IL1RAPL2: variants seen among roughly 807,000 people sequenced by gnomAD.
IL1RAPL2 encodes the protein interleukin 1 receptor accessory protein like 2.
A neutral mutation model predicts 44.1 loss-of-function variants in IL1RAPL2; 3 were observed. The ratio of observed to expected loss-of-function variants is 0.07; its 90% confidence interval spans 0.03 to 0.18. The LOEUF (loss-of-function observed/expected upper bound fraction) is 0.18. Ranked by LOEUF, IL1RAPL2 falls within the 10% of genes least tolerant of loss-of-function variation. The pLI is 1.00. For missense variants in IL1RAPL2, 391 were observed against 496.4 expected, an observed-to-expected ratio of 0.79 and a Z score of 2.02; for synonymous variants, 181 against 178.8, an observed-to-expected ratio of 1.01 and a Z score of -0.10.
intron 5 of IL1RAPL2, among the ~76,000 whole-genome samples, chrX:105,382,885 C>T (rs1316536015): frequency 9.8e-5 from 10 of 101,604 alleles, no homozygotes; most frequent in East Asian, 9.6e-4. Flanking sequence ...AACCAAACAC[C>T]GCATGTTCTC....
intron 2 of IL1RAPL2, among the ~76,000 whole-genome samples, chrX:104,901,190 CTTTTGCTTCTTT>C (rs1923802181): frequency 1.7e-5 from 1 of 57,892 alleles, no homozygotes; most frequent in African/African-American, 6.5e-5. Context: ...TGGTTGCTTT[CTTTTGCTTCTTT>C]TTTTTTTTTT....
intron 2 of IL1RAPL2, among the ~76,000 whole-genome samples, chrX:104,907,677 A>G (rs1924063562): frequency 9.0e-6 from 1 of 110,668 alleles, no homozygotes; most frequent in Non-Finnish European, 1.9e-5. Context: ...ATAGTTTGTT[A>G]TAATTTCTGT....
At chrX:104,758,777 C>T (rs1468169202) in intron 2 of IL1RAPL2, among the ~76,000 whole-genome samples, 2 of 111,717 alleles carry the variant, frequency 1.8e-5, no homozygotes, top group Non-Finnish European at 3.8e-5. Context: ...GTGTAATCCT[C>T]TCCCTGATGA....
chrX:104,847,407 A>C (rs1213541303), intron 2 of IL1RAPL2, among the ~76,000 whole-genome samples: 2 of 111,806 alleles, frequency 1.8e-5, no homozygotes, highest in African/African-American at 3.3e-5. Context: ...AGCTTTCTAC[A>C]TATGGCTAGC....
At chrX:105,297,521 G>A (rs1402403414) in intron 5 of IL1RAPL2, among the ~76,000 whole-genome samples, 2 of 110,612 alleles carry the variant, frequency 1.8e-5, no homozygotes, top group Non-Finnish European at 3.8e-5. Context: ...GGAGGCGAAG[G>A]GGAGGCAGGC....
intron 2 of IL1RAPL2, among the ~76,000 whole-genome samples, chrX:104,900,863 T>A (rs766646507): frequency 7.2e-5 from 8 of 111,730 alleles, no homozygotes; most frequent in Non-Finnish European, 1.1e-4. Context: ...ATGGCAAAGG[T>A]CATGAATTTA....
chrX:105,487,952 T>G (rs996380323), intron 6 of IL1RAPL2, among the ~76,000 whole-genome samples: 3 of 112,416 alleles, frequency 2.7e-5, no homozygotes, highest in African/African-American at 9.7e-5. Flanking sequence ...TTCTGAAGTT[T>G]ATCAAACACA....
intron 5 of IL1RAPL2, among the ~76,000 whole-genome samples, chrX:105,445,717 G>C (rs1484521541): frequency 9.0e-6 from 1 of 110,905 alleles, no homozygotes; most frequent in Non-Finnish European, 1.9e-5. Flanking sequence ...CTTGTTTATT[G>C]ACTTCTAGTT....
At chrX:104,943,358 C>G (rs1261290030) in intron 2 of IL1RAPL2, among the ~76,000 whole-genome samples, 4 of 111,718 alleles carry the variant, frequency 3.6e-5, no homozygotes, top group African/African-American at 6.5e-5. Flanking sequence ...TTGACTACAC[C>G]TTGTTTCCAT....
At chrX:105,058,018 G>C (rs1263208961) in intron 2 of IL1RAPL2, among the ~76,000 whole-genome samples, 2 of 105,053 alleles carry the variant, frequency 1.9e-5, no homozygotes, top group African/African-American at 7.0e-5. Context: ...GTGCGATCTC[G>C]GCTCACTGCA....
intron 6 of IL1RAPL2, among the ~76,000 whole-genome samples, chrX:105,674,999 G>A (rs1602515191): frequency 9.0e-6 from 1 of 110,541 alleles, no homozygotes; most frequent in African/African-American, 3.3e-5. Context: ...TGTGACTTCT[G>A]CACATTGACT....
At chrX:105,128,208 C>G (rs748261336) in intron 2 of IL1RAPL2, among the ~76,000 whole-genome samples, 1 of 110,244 alleles carries the variant, frequency 9.1e-6, no homozygotes, top group East Asian at 2.9e-4. Flanking sequence ...GAAATATCTC[C>G]TCTTTGCCTT....
chrX:104,679,077 C>T (rs1198192995), intron 2 of IL1RAPL2, among the ~76,000 whole-genome samples: 1 of 111,883 alleles, frequency 8.9e-6, no homozygotes, highest in Non-Finnish European at 1.9e-5. Context: ...CTGATTAGAT[C>T]TTTAATGTCA....
chrX:105,598,527 T>C (rs924933368), intron 6 of IL1RAPL2, among the ~76,000 whole-genome samples: 1 of 111,934 alleles, frequency 8.9e-6, no homozygotes, highest in Non-Finnish European at 1.9e-5. Context: ...CATTTCACTG[T>C]GTATATATCT....
chrX:105,470,989 CT>C lies in IL1RAPL2; in HGVS notation c.698-13320del, dbSNP rs1473427750. 4.7e-4 allele frequency among the ~76,000 whole-genome samples: 52 copies of C among 111,447 alleles called. 1 individual carries two copies. The highest frequency in any genetic ancestry group is 5.5e-4 in the Non-Finnish European group (29 of 53,001). ...TGGTGCGAAAGTTATTGTGAAATTACTTTTGCACCAACCTAAATATTTACAG... is the reference window on the plus strand; with the variant it reads ...TGGTGCGAAAGTTATTGTGAAATTACTTTGCACCAACCTAAATATTTACAG... On this transcript the variant is annotated intron_variant, in intron 5 of 10. Transcript: ENST00000372582.
chrX:104,883,454 A>C (rs1030079595), intron 2 of IL1RAPL2, among the ~76,000 whole-genome samples: 1 of 111,133 alleles, frequency 9.0e-6, no homozygotes, highest in African/African-American at 3.3e-5. Context: ...ATTCAGCTCC[A>C]GGGTCCCGAC....
intron 2 of IL1RAPL2, among the ~76,000 whole-genome samples, chrX:104,781,766 G>C (rs893001733): frequency 1.8e-4 from 20 of 112,371 alleles, no homozygotes; most frequent in Non-Finnish European, 1.7e-4. Flanking sequence ...TGCAAGAAAA[G>C]CTGGCAAATG....
chrX:105,726,515 G>T, intron 7 of IL1RAPL2, among the ~76,000 whole-genome samples: 1 of 111,609 alleles, frequency 9.0e-6, no homozygotes, highest in East Asian at 2.8e-4. Context: ...TAATCAGGCT[G>T]GGAGGACAGA....
intron 2 of IL1RAPL2, among the ~76,000 whole-genome samples, chrX:104,878,695 G>A (rs1001144781): frequency 1.3e-4 from 14 of 111,840 alleles, no homozygotes; most frequent in Non-Finnish European, 2.6e-4. Flanking sequence ...CTACTGAATT[G>A]CTGATGCCTA....
Sources: allele counts gnomAD v4.1 joint callset (sites outside exome capture counted in the v4.1 genomes callset), GRCh38; gene constraint gnomAD v4.1.1; transcripts MANE v1.5; gene names NCBI Gene and HGNC (gene_info 2026-07-23, HGNC 2026-07-21).